The following CD247 variants were observed in gnomAD, a reference collection of about 807,000 sequenced individuals.
The protein encoded by CD247 is T-cell surface glycoprotein CD3 zeta chain.
Under a neutral mutation model 30.0 loss-of-function variants are expected in CD247, and 13 were observed. The ratio of observed to expected loss-of-function variants is 0.43; its 90% confidence interval spans 0.28 to 0.69. The LOEUF (loss-of-function observed/expected upper bound fraction) is 0.69, where lower values mean the gene tolerates loss of function less well. Ranked by LOEUF, CD247 falls within the 30% of genes least tolerant of loss-of-function variation. The pLI is 0.16. For missense variants in CD247, 193 were observed against 212.6 expected, an observed-to-expected ratio of 0.91 and a Z score of 0.57; for synonymous variants, 72 against 80.0, an observed-to-expected ratio of 0.90 and a Z score of 0.53.
chr1:167,457,330 G>A (rs963136830), intron 1 of CD247: 12 of 152,344 alleles, frequency 7.9e-5, no homozygotes, highest in Non-Finnish European at 1.8e-4. Flanking sequence ...AGGGTTAGAG[G>A]TTAGTTGACC....
chr1:167,493,004 C>T (rs945818508), intron 1 of CD247, among the ~76,000 whole-genome samples: 4 of 151,504 alleles, frequency 2.6e-5, no homozygotes, highest in Non-Finnish European at 4.4e-5. Context: ...TTTCTCCACC[C>T]CCAATTTTGC....
rs987373105 is a variant in CD247 at position 167,469,898 on chromosome 1, C to T, written c.59-29131G>A. ...TTTTGTGATTTCATCTATTCATTCT[C>T]GGTACTTTATTTTATTTTATTTTAT... On this transcript the variant is annotated intron_variant, in intron 1 of 7. Coordinates refer to ENST00000362089, the MANE Select transcript of CD247 (RefSeq NM_198053.3). Among the ~76,000 whole-genome samples the T allele has an allele frequency of 6.6e-5, 10 of 152,034 alleles. No homozygotes were observed. In the East Asian group the frequency reaches 1.5e-3, roughly 24 times the overall value.
chr1:167,444,127 G>A (rs1345553224), intron 1 of CD247, among the ~76,000 whole-genome samples: 1 of 152,168 alleles, frequency 6.6e-6, no homozygotes, highest in South Asian at 2.1e-4. Flanking sequence ...ATTAAATGGA[G>A]GGTAATCATA....
intron 1 of CD247, among the ~76,000 whole-genome samples, chr1:167,510,565 C>G (rs946011827): frequency 6.6e-6 from 1 of 152,188 alleles, no homozygotes; most frequent in African/African-American, 2.4e-5. Flanking sequence ...TACCCCCTCC[C>G]CCAGCCTGTC....
intron 1 of CD247, among the ~76,000 whole-genome samples, chr1:167,476,799 AAAT>A (rs940015929): frequency 6.6e-6 from 1 of 152,156 alleles, no homozygotes; most frequent in African/African-American, 2.4e-5. Context: ...CTGTGTCTCA[AAAT>A]AATAATAATA....
At chr1:167,434,178 G>A (rs1651415450) in intron 5 of CD247, 102 bp from the exon 6 acceptor site, 1 of 1,047,642 alleles carries the variant, frequency 9.5e-7, no homozygotes, top group Non-Finnish European at 1.5e-6. Flanking sequence ...TGGCAGCAGT[G>A]GCAGACAGGG....
chr1:167,507,713 A>G (rs559025637), intron 1 of CD247, among the ~76,000 whole-genome samples: 10 of 151,888 alleles, frequency 6.6e-5, no homozygotes, highest in Non-Finnish European at 1.5e-4. Context: ...GTGCACCCCT[A>G]TGGTTCCAAT....
At chr1:167,517,107 G>C (rs914449578) in intron 1 of CD247, among the ~76,000 whole-genome samples, 1 of 152,328 alleles carries the variant, frequency 6.6e-6, no homozygotes, top group African/African-American at 2.4e-5. Context: ...GGGCTGCTCT[G>C]AGCAAGCTCA....
chr1:167,469,519 A>T (rs970986832), intron 1 of CD247, among the ~76,000 whole-genome samples: 1 of 152,136 alleles, frequency 6.6e-6, no homozygotes, highest in Non-Finnish European at 1.5e-5. Context: ...ACTTAACTAC[A>T]CTCATTAAGA....
rs1020500546 is a variant in CD247 at position 167,466,594 on chromosome 1, G to A, written c.59-25827C>T. On this transcript the variant is annotated intron_variant, in intron 1 of 7. Transcript: ENST00000362089. ...TCCAGTTTCATTTATGAGGAAAAAC[G>A]TGTGTATGTGTGTATATACATATGG... 7.2e-5 allele frequency among the ~76,000 whole-genome samples: 11 copies of A among 152,146 alleles called. No homozygotes were observed. In the East Asian group the frequency reaches 9.6e-4, roughly 13 times the overall value.
At chr1:167,504,195 A>G (rs1057254415) in intron 1 of CD247, among the ~76,000 whole-genome samples, 1 of 152,106 alleles carries the variant, frequency 6.6e-6, no homozygotes, top group Non-Finnish European at 1.5e-5. Context: ...TCAAGTGGGG[A>G]CATCAATAAA....
At chr1:167,467,978 A>G (rs889854358) in intron 1 of CD247, among the ~76,000 whole-genome samples, 13 of 152,368 alleles carry the variant, frequency 8.5e-5, no homozygotes, top group Admixed American at 3.3e-4. Flanking sequence ...AAATAATAAT[A>G]GCTTCAGTGT....
At chr1:167,438,988 G>A (rs1321576037) in intron 3 of CD247, among the ~76,000 whole-genome samples, 1 of 152,172 alleles carries the variant, frequency 6.6e-6, no homozygotes, top group East Asian at 1.9e-4. Context: ...TGCACAGGGA[G>A]TGTGAAATCG....
At chr1:167,500,655 A>ATGTGC (rs1654861658) in intron 1 of CD247, among the ~76,000 whole-genome samples, 1 of 152,210 alleles carries the variant, frequency 6.6e-6, no homozygotes, top group Admixed American at 6.5e-5. Flanking sequence ...ACGTATTGTG[A>ATGTGC]TGTGCTGTGA....
intron 1 of CD247, among the ~76,000 whole-genome samples, chr1:167,459,007 C>A (rs551790679): frequency 6.6e-6 from 1 of 151,104 alleles, no homozygotes; most frequent in South Asian, 2.1e-4. Context: ...CTGTGGCGTG[C>A]GCCTGTTATC....
intron 7 of CD247, among the ~76,000 whole-genome samples, chr1:167,432,372 T>TG (rs1651313994): frequency 6.6e-6 from 1 of 152,230 alleles, no homozygotes; most frequent in Non-Finnish European, 1.5e-5. Flanking sequence ...GGTAAGTTTC[T>TG]GGGGCCCTTT....
chr1:167,502,028 G>A (rs1170020877), intron 1 of CD247, among the ~76,000 whole-genome samples: 1 of 152,192 alleles, frequency 6.6e-6, no homozygotes, highest in Non-Finnish European at 1.5e-5. Flanking sequence ...CTTCTGACAC[G>A]CATTTATTCC....
At chr1:167,448,407 C>T (rs1395506321) in intron 1 of CD247, 1 of 985,300 alleles carries the variant, frequency 1.0e-6, no homozygotes, top group Non-Finnish European at 1.2e-6. Context: ...GGAGTCCCTT[C>T]TCCCAGGATC....
At chr1:167,445,406 G>T (rs1652033507) in intron 1 of CD247, among the ~76,000 whole-genome samples, 1 of 152,180 alleles carries the variant, frequency 6.6e-6, no homozygotes, top group Non-Finnish European at 1.5e-5. Flanking sequence ...AATAGGCCAT[G>T]TGAGATGCTC....
Sources: gnomAD v4.1 joint callset for allele counts (sites outside exome capture counted in the v4.1 genomes callset) on GRCh38, gnomAD v4.1.1 for gene constraint, MANE v1.5 for transcripts, NCBI Gene and HGNC (gene_info 2026-07-23, HGNC 2026-07-21) for gene names.